EYS: variants seen among roughly 807,000 people sequenced by gnomAD.
EYS encodes EGF-like photoreceptor maintenance factor, also known as protein eyes shut homolog.
A neutral mutation model predicts 282.1 loss-of-function variants in EYS; 250 were observed. The observed-to-expected ratio is 0.89, with a 90% CI of 0.80 to 0.98. The LOEUF (loss-of-function observed/expected upper bound fraction) is 0.98. Among genes scored for constraint, EYS ranks in the 50% least tolerant of loss-of-function variants. The pLI is 0.00. For synonymous variants in EYS, 1,355 were observed against 1,282.9 expected, an observed-to-expected ratio of 1.06 and a Z score of -1.20; for missense variants, 4,016 against 3,709.0, an observed-to-expected ratio of 1.08 and a Z score of -2.15.
intron 24 of EYS, among the ~76,000 whole-genome samples, chr6:64,600,111 C>A (rs140544593): frequency 8.5e-5 from 13 of 152,194 alleles, no homozygotes; most frequent in African/African-American, 2.9e-4. Flanking sequence ...AGAAAAAACC[C>A]AGCATCCTTC....
At chr6:65,217,971 T>A (rs1766359014) in intron 12 of EYS, among the ~76,000 whole-genome samples, 1 of 152,076 alleles carries the variant, frequency 6.6e-6, no homozygotes, top group African/African-American at 2.4e-5. Flanking sequence ...TGAAAGGTTT[T>A]ACATTGTCTC....
chr6:63,983,197 T>C (rs902313704), intron 35 of EYS, among the ~76,000 whole-genome samples: 1 of 151,916 alleles, frequency 6.6e-6, no homozygotes, highest in African/African-American at 2.4e-5. Context: ...TAGGTCTATG[T>C]TGCTGTTATT....
chr6:65,362,578 T>G (rs146684930), intron 8 of EYS, among the ~76,000 whole-genome samples: 123 of 151,896 alleles, frequency 8.1e-4, no homozygotes, highest in African/African-American at 2.7e-3. Context: ...ATTATATATA[T>G]ACATATATGT....
At chr6:64,676,330 C>A (rs201089399) in intron 22 of EYS, among the ~76,000 whole-genome samples, 14,684 of 125,680 alleles carry the variant, frequency 0.12, 891 homozygotes, top group East Asian at 0.16. Context: ...ATATATATAT[C>A]TATATATCTA....
At chr6:65,228,117 C>T (rs1263631742) in intron 12 of EYS, among the ~76,000 whole-genome samples, 1 of 151,978 alleles carries the variant, frequency 6.6e-6, no homozygotes, top group Non-Finnish European at 1.5e-5. Context: ...TAGATGCATC[C>T]ATAAAAAGTC....
At chr6:65,378,362 G>A (rs189202190) in intron 8 of EYS, among the ~76,000 whole-genome samples, 9 of 152,136 alleles carry the variant, frequency 5.9e-5, no homozygotes, top group East Asian at 1.9e-4. Flanking sequence ...TTATAATGAC[G>A]ATCATTAAAT....
rs1369903941 is a variant in EYS at position 65,550,185 on chromosome 6, T to TG, written c.-332-54193dup. Among the ~76,000 whole-genome samples the TG allele has an allele frequency of 4.0e-4, 15 of 37,208 alleles. 1 individual carries two copies. Among genetic ancestry groups the TG allele is most frequent in the Admixed American group, 8.4e-4 (2 of 2,384 alleles). 24.4% of individuals were successfully genotyped at this position (37,208 alleles called of 152,430 possible). ...TTTTTTTTTTTTTTTTTTTTTTTTT[T>TG]GGGGATAAGACCATCTTTATTTCCC... On this transcript the variant is annotated intron_variant, in intron 2 of 42. Transcript: ENST00000503581.
intron 12 of EYS, among the ~76,000 whole-genome samples, chr6:65,199,203 T>C (rs535985252): frequency 1.3e-5 from 2 of 152,262 alleles, no homozygotes; most frequent in East Asian, 3.9e-4. Context: ...TTTTATAAAT[T>C]ATCCTTTTAG....
intron 12 of EYS, among the ~76,000 whole-genome samples, chr6:65,210,512 TAAAAC>T (rs1290452074): frequency 2.6e-5 from 4 of 152,080 alleles, no homozygotes; most frequent in East Asian, 1.9e-4. Context: ...TTCAAACAAT[TAAAAC>T]AAAGACTGCA....
In EYS at chr6:65,491,624, A is replaced by G. The variant is rs367712554; in HGVS notation, c.749-917T>C. 3.7e-5 allele frequency: 15 copies of G among 406,264 alleles called. No homozygotes were observed. In the East Asian group the frequency reaches 7.2e-4, roughly 20 times the overall value. 25.2% of individuals were successfully genotyped at this position (406,264 alleles called of 1,614,324 possible). A position where few individuals can be genotyped will look rare whatever the true frequency, so the allele number is the denominator to read the frequency against. ...ATGAAAATATAAATAATGAAAATATAAATAAAAATCATTGTGTTTCAAAAG... is the reference window on the plus strand; with the variant it reads ...ATGAAAATATAAATAATGAAAATATGAATAAAAATCATTGTGTTTCAAAAG... On this transcript the variant is annotated intron_variant, in intron 4 of 42. Transcript: ENST00000503581.
At chr6:65,182,660 G>T (rs73441329) in intron 12 of EYS, among the ~76,000 whole-genome samples, 4,583 of 151,330 alleles carry the variant, frequency 0.03, 93 homozygotes, top group African/African-American at 0.058. Context: ...TGTTTAATTG[G>T]TTTTTTTTGT....
intron 2 of EYS, among the ~76,000 whole-genome samples, chr6:65,600,732 T>A (rs930296801): frequency 7.9e-5 from 12 of 152,016 alleles, no homozygotes; most frequent in African/African-American, 2.9e-4. Flanking sequence ...AGTAGTTATA[T>A]AATTATGTTA....
intron 7 of EYS, among the ~76,000 whole-genome samples, chr6:65,393,309 A>T (rs1435852550): frequency 6.6e-6 from 1 of 152,150 alleles, no homozygotes; most frequent in Non-Finnish European, 1.5e-5. Flanking sequence ...GTACCCTAAA[A>T]CTTAAAATAT....
At chr6:63,811,068 G>C (rs1183013454) in intron 36 of EYS, among the ~76,000 whole-genome samples, 1 of 152,054 alleles carries the variant, frequency 6.6e-6, no homozygotes, top group African/African-American at 2.4e-5. Context: ...TGCCTCCCAG[G>C]AGTTACCAAA....
Position 65,209,984 on chromosome 6 carries a change from C to A in EYS, c.2023+85879G>T, listed in dbSNP as rs114007019. Among the ~76,000 whole-genome samples, 1,332 of 151,902 alleles carry A rather than the reference C, an allele frequency of 8.8e-3. 24 individuals carry two copies. Among genetic ancestry groups the A allele is most frequent in the African/African-American group, 0.031 (1,267 of 41,468 alleles). ...ACAGTTAGGAGAAGAGAAATAAGAGCAGTGGGAAGTAATGAAAACATGTAG... is the reference window on the plus strand; with the variant it reads ...ACAGTTAGGAGAAGAGAAATAAGAGAAGTGGGAAGTAATGAAAACATGTAG... On this transcript the variant is annotated intron_variant, in intron 12 of 42. Coordinates refer to ENST00000503581, the MANE Select transcript of EYS (RefSeq NM_001142800.2).
chr6:63,931,603 T>C (rs527412853), intron 35 of EYS, among the ~76,000 whole-genome samples: 2 of 152,310 alleles, frequency 1.3e-5, no homozygotes, highest in Admixed American at 1.3e-4. Context: ...AATCTATGTG[T>C]CAACCCTGAC....
chr6:64,641,644 T>A (rs1222067092), intron 22 of EYS, among the ~76,000 whole-genome samples: 1 of 152,086 alleles, frequency 6.6e-6, no homozygotes, highest in Non-Finnish European at 1.5e-5. Context: ...CTTAAAAAAC[T>A]TTACTGTGTA....
intron 4 of EYS, among the ~76,000 whole-genome samples, chr6:65,491,108 AC>A (rs1766026750): frequency 6.6e-6 from 1 of 152,020 alleles, no homozygotes; most frequent in African/African-American, 2.4e-5. Flanking sequence ...TCTCAGACTT[AC>A]CCCCTAGCCA....
In EYS at chr6:64,638,475, A is replaced by C. The variant is rs536023165; in HGVS notation, c.3444-12230T>G. 4.4e-4 allele frequency among the ~76,000 whole-genome samples: 41 copies of C among 92,478 alleles called. 16 individuals carry two copies. In the South Asian group the frequency reaches 0.014, roughly 32 times the overall value. The allele number at this position is 92,478 out of a possible 152,430, so 60.7% of individuals were successfully genotyped here. On this transcript the variant is annotated intron_variant, in intron 22 of 42. Transcript: ENST00000503581. ...TAATTATTAAGAGCTGTGAATTGTC[A>C]TTCATCTAGTTACCTCCACAACATA...
Sources: allele counts gnomAD v4.1 joint callset (sites outside exome capture counted in the v4.1 genomes callset), GRCh38; gene constraint gnomAD v4.1.1; transcripts MANE v1.5; gene names NCBI Gene and HGNC (gene_info 2026-07-23, HGNC 2026-07-21).